Variants in NDUFS2 observed in about 807,000 individuals in gnomAD.
NDUFS2 encodes the protein NADH:ubiquinone oxidoreductase core subunit S2, also known as NADH dehydrogenase [ubiquinone] iron-sulfur protein 2, mitochondrial.
NDUFS2 carries 38 observed loss-of-function variants against 69.6 expected under a neutral mutation model. That is an observed-to-expected ratio of 0.55 (90% CI 0.42 to 0.72). NDUFS2 has a LOEUF of 0.72. Among genes scored for constraint, NDUFS2 ranks in the 30% least tolerant of loss-of-function variants. NDUFS2 has a pLI of 0.00. For synonymous variants in NDUFS2, 194 were observed against 211.2 expected (o/e 0.92, Z 0.70); for missense variants, 468 against 595.0 (o/e 0.79, Z 2.22).
chr1:161,206,027 A>G (rs1312923133), intron 2 of NDUFS2, among the ~76,000 whole-genome samples: 1 of 152,206 alleles, frequency 6.6e-6, no homozygotes, highest in African/African-American at 2.4e-5. Flanking sequence ...GGGGATAACG[A>G]TAGTACCTAT....
In NDUFS2 at chr1:161,214,244, C is replaced by T. The variant is rs749475242; in HGVS notation, c.*51C>T. The T allele has an allele frequency of 6.5e-7, 1 of 1,542,000 alleles. No individual in the cohort carries two copies. Among genetic ancestry groups the T allele is most frequent in the Admixed American group, 1.7e-5 (1 of 59,330 alleles). On this transcript the variant is annotated 3_prime_UTR_variant, in exon 14 of 14. Transcript: ENST00000676972. Reference sequence around the variant, plus strand: ...CTGCCTATCAGCTTCTTCTGTGGAGCCTGTTCCTCACTGGAAATTGGCCTC... The same window carrying T: ...CTGCCTATCAGCTTCTTCTGTGGAGTCTGTTCCTCACTGGAAATTGGCCTC...
chr1:161,202,534 G>C, intron 1 of NDUFS2, 54 bp downstream of exon 1: 1 of 1,521,932 alleles, frequency 6.6e-7, no homozygotes. Flanking sequence ...GGTTTCTCAG[G>C]TTGGGGACGC....
chr1:161,203,361 C>T (rs1665266788), intron 1 of NDUFS2, 76 bp from the exon 2 acceptor site: 1 of 1,274,582 alleles, frequency 7.8e-7, no homozygotes, highest in Non-Finnish European at 1.1e-6. Flanking sequence ...TCCTGGGTCC[C>T]CTTGAGAGTG....
At chr1:161,203,699 C>T (rs1665298906) in intron 2 of NDUFS2, 156 bp downstream of exon 2, 2 of 695,812 alleles carry the variant, frequency 2.9e-6, no homozygotes, top group South Asian at 3.1e-5. Context: ...GGGCTCAAGG[C>T]AACCTTCTGT....
In NDUFS2 at chr1:161,213,451, A is replaced by C. The variant is rs774480781; in HGVS notation, c.1188A>C (p.Thr396=). ...GCTACCAAGTTCCTCCAGGAGCCAC[A>C]TATACTGCCATTGAGGCTCCCAAGG... ...TEGYQVPPGA[T]YTAIEAPKGE... The change falls in exon 11 of 14, where the codon ACA becomes ACC. Residue 396 remains threonine (T), a synonymous_variant. Coordinates refer to ENST00000676972, the MANE Select transcript of NDUFS2 (RefSeq NM_001377299.1). 1 of 1,610,772 alleles carries C rather than the reference A, an allele frequency of 6.2e-7. No individual in the cohort carries two copies. Among genetic ancestry groups the C allele is most frequent in the African/African-American group, 1.3e-5 (1 of 75,026 alleles).
upstream of NDUFS2, chr1:161,198,472 G>A: frequency 6.4e-7 from 1 of 1,569,164 alleles, no homozygotes. This position sits in a 1 kb window ranked among gnomAD's most constrained non-coding sequence, Gnocchi z 4.7. Context: ...GGAGGGGGCT[G>A]GCCAGCCGGG....
At chr1:161,202,055 G>A, upstream of NDUFS2, 1 of 434,480 alleles carries the variant, frequency 2.3e-6, no homozygotes, top group South Asian at 2.1e-5. Flanking sequence ...AGGAAGCGCC[G>A]CGCGTTTCCA....
At chr1:161,213,985 CAGAAGG>C in intron 13 of NDUFS2, 64 bp downstream of exon 13, 1 of 1,613,922 alleles carries the variant, frequency 6.2e-7, no homozygotes, top group Non-Finnish European at 8.5e-7. Flanking sequence ...CCACTGGGGA[CAGAAGG>C]AGAACACTTC....
intron 9 of NDUFS2, among the ~76,000 whole-genome samples, chr1:161,212,043 G>A (rs1318893061): frequency 2.6e-5 from 4 of 151,752 alleles, no homozygotes; most frequent in East Asian, 3.9e-4. Flanking sequence ...GTGAAACCTC[G>A]TCTCTACAAA....
In NDUFS2 at chr1:161,209,223, G is replaced by A. The variant is rs886043292; in HGVS notation, c.424G>A (p.Val142Met). 1 of 1,614,058 alleles carries A rather than the reference G, an allele frequency of 6.2e-7. No homozygotes were observed. Among genetic ancestry groups the A allele is most frequent in the Non-Finnish European group, 8.5e-7 (1 of 1,180,044 alleles). ...ALPYFDRLDY[V>M]SMMCNEQAYS... ...TCCATACTTTGACCGGCTAGACTAT[G>A]TGTCCATGATGTGTAACGAACAGGC... The change falls in exon 4 of 14, where the codon GTG (valine) becomes ATG (methionine). Residue 142 changes from valine to methionine, a missense_variant. Val to Met is a conservative substitution (Grantham distance 21). This residue lies in a region of NDUFS2 where 339 missense variants were observed against 433.8 expected (regional missense o/e 0.78). Transcript: ENST00000676972.
At chr1:161,202,311 T>G, upstream of NDUFS2, 17 of 1,442,302 alleles carry the variant, frequency 1.2e-5, no homozygotes, top group East Asian at 2.4e-5. Flanking sequence ...TGCGAATAGG[T>G]GAGAAGCCAA....
chr1:161,198,527 A>G, upstream of NDUFS2: 6 of 1,566,694 alleles, frequency 3.8e-6, no homozygotes, highest in Non-Finnish European at 5.2e-6. The surrounding 1 kb of genome is among the most constrained non-coding windows in gnomAD (Gnocchi z 4.7). Context: ...CAGCCACACC[A>G]GCCAGGAGAG....
At chr1:161,210,447 C>G in intron 8 of NDUFS2, 58 bp downstream of exon 8, 1 of 1,600,046 alleles carries the variant, frequency 6.2e-7, no homozygotes, top group Non-Finnish European at 8.6e-7. Flanking sequence ...GGAGTTCCAG[C>G]CTAATATCTT....
rs762752497 is a variant in NDUFS2, at chr1:161,210,128, T to A, written c.720T>A (p.Leu240=). Residue 240 remains leucine (L), a synonymous_variant, in exon 7 of 14, where the codon CTT becomes CTA. Coordinates refer to ENST00000676972, the MANE Select transcript of NDUFS2 (RefSeq NM_001377299.1). ...GCTTCTAGGACCTACCCCTTGGGCT[T>A]ATGGATGACATTTATCAGTTTTCTA... The part of the protein sequence containing the change: ...GGVHQDLPLG[L]MDDIYQFSKN... The A allele has an allele frequency of 8.1e-6, 13 of 1,614,158 alleles. No homozygotes were observed. The highest frequency in any genetic ancestry group is 1.1e-5 in the Non-Finnish European group (13 of 1,180,028).
At chr1:161,200,868 TG>T (rs1558080235), upstream of NDUFS2, among the ~76,000 whole-genome samples, 1 of 152,054 alleles carries the variant, frequency 6.6e-6, no homozygotes, top group Admixed American at 6.6e-5. Flanking sequence ...GCAGTGTGTG[TG>T]GGGGTGTTGG....
rs761312586 is a variant in NDUFS2 at position 161,210,696 on chromosome 1, G to T, written c.972G>T (p.Gly324=). Residue 324 remains glycine (G), a synonymous_variant, in exon 9 of 14, where the codon GGG becomes GGT. Coordinates refer to ENST00000676972, the MANE Select transcript of NDUFS2 (RefSeq NM_001377299.1). ...TTGATGTTCCTGTTGGTTCTCGAGG[G>T]GACTGCTATGATAGGTAAGGCCCCA... is the stretch of plus-strand genomic sequence containing the variant. ...VEFDVPVGSR[G]DCYDRYLCRV... is the part of the protein sequence containing the mutation. 1 of 1,614,012 alleles carries T rather than the reference G, an allele frequency of 6.2e-7. No homozygotes were observed. The highest frequency in any genetic ancestry group is 8.5e-7 in the Non-Finnish European group (1 of 1,179,984).
At chr1:161,210,862 T>C (rs1665734339) in intron 9 of NDUFS2, 152 bp downstream of exon 9, 2 of 1,189,548 alleles carry the variant, frequency 1.7e-6, no homozygotes, top group South Asian at 1.3e-5. Flanking sequence ...CTTTCACATA[T>C]ATGGAATCTT....
At chr1:161,208,396 G>A (rs1194366604) in intron 3 of NDUFS2, among the ~76,000 whole-genome samples, 1 of 151,768 alleles carries the variant, frequency 6.6e-6, no homozygotes, top group Non-Finnish European at 1.5e-5. Flanking sequence ...TGCTTCCTGG[G>A]TTCAAGTGAT....
intron 2 of NDUFS2, among the ~76,000 whole-genome samples, chr1:161,205,681 T>G (rs1299176451): frequency 6.6e-6 from 1 of 151,862 alleles, no homozygotes; most frequent in Non-Finnish European, 1.5e-5. Flanking sequence ...CACAGGAGAA[T>G]TGCTTGAACC....
Sources: allele counts gnomAD v4.1 joint callset (sites outside exome capture counted in the v4.1 genomes callset), GRCh38; gene constraint gnomAD v4.1.1; regional missense constraint gnomAD v4.1.1; non-coding constraint Gnocchi (gnomAD v3.1); transcripts MANE v1.5; gene names NCBI Gene and HGNC (gene_info 2026-07-23, HGNC 2026-07-21).